BRD10: variants seen among roughly 807,000 people sequenced by gnomAD.
BRD10 encodes the protein uncharacterized bromodomain-containing protein 10.
At chr9:5,938,764 T>C in the BRD10 span, among the ~76,000 whole-genome samples, 32 of 152,222 alleles carry the variant, frequency 2.1e-4, no homozygotes, top group African/African-American at 6.5e-4. Flanking sequence ...ACAGCTGAGA[T>C]AGTTTTCAGT....
chr9:5,920,764 A>G, the BRD10 span: 1 of 1,613,998 alleles, frequency 6.2e-7, no homozygotes, highest in East Asian at 2.2e-5. Context: ...AGGCAACCGT[A>G]ACAGGAATTT....
At chr9:5,958,151 T>C in the BRD10 span, among the ~76,000 whole-genome samples, 1 of 152,180 alleles carries the variant, frequency 6.6e-6, no homozygotes, top group Non-Finnish European at 1.5e-5. Context: ...TAAACCTTAG[T>C]AATTAATGTT....
the BRD10 span, among the ~76,000 whole-genome samples, chr9:5,995,178 G>A: frequency 6.6e-5 from 10 of 152,206 alleles, no homozygotes; most frequent in Non-Finnish European, 5.9e-5. Flanking sequence ...TGGGATTAGA[G>A]GCGTGAGCCA....
the BRD10 span, among the ~76,000 whole-genome samples, chr9:5,880,889 G>A: frequency 2.6e-5 from 4 of 151,944 alleles, no homozygotes; most frequent in Non-Finnish European, 5.9e-5. Flanking sequence ...ATTTTTAGTA[G>A]ACATGGGGTT....
chr9:5,950,241 AT>A, the BRD10 span, among the ~76,000 whole-genome samples: 2 of 152,302 alleles, frequency 1.3e-5, no homozygotes, highest in African/African-American at 4.8e-5. Context: ...AGGGTCAATA[AT>A]AGATGTTTTT....
At chr9:5,979,334 T>C in the BRD10 span, among the ~76,000 whole-genome samples, 3 of 152,212 alleles carry the variant, frequency 2.0e-5, no homozygotes, top group South Asian at 6.2e-4. Flanking sequence ...GGAAATATAG[T>C]GAGACCTCGT....
chr9:5,998,074 G>T, the BRD10 span, among the ~76,000 whole-genome samples: 1 of 151,946 alleles, frequency 6.6e-6, no homozygotes. Context: ...TTTGGTGGAT[G>T]GTCAAATCTC....
the BRD10 span, among the ~76,000 whole-genome samples, chr9:5,998,830 A>C: frequency 3.3e-5 from 5 of 152,108 alleles, no homozygotes; most frequent in Non-Finnish European, 7.4e-5. Context: ...AGTAGTAGAA[A>C]TCACTAGCGT....
At chr9:6,007,087 G>C in the BRD10 span, 1 of 1,127,786 alleles carries the variant, frequency 8.9e-7, no homozygotes, top group Non-Finnish European at 1.3e-6. Flanking sequence ...CACCGACTCA[G>C]CACCTATCAG....
chr9:6,008,179 G>T, the BRD10 span: 27 of 974,678 alleles, frequency 2.8e-5, no homozygotes, highest in Non-Finnish European at 3.2e-5. Context: ...GGGCTGGGAG[G>T]GGGCGAGGAG....
the BRD10 span, among the ~76,000 whole-genome samples, chr9:5,930,369 T>TTTTATA: frequency 0.014 from 1,953 of 135,500 alleles, 45 homozygotes; most frequent in African/African-American, 0.022. Context: ...TATAAGGAGA[T>TTTTATA]TATATATATA....
the BRD10 span, among the ~76,000 whole-genome samples, chr9:5,946,658 C>CT: frequency 6.6e-6 from 1 of 152,090 alleles, no homozygotes; most frequent in Non-Finnish European, 1.5e-5. Flanking sequence ...TTTCACCGAA[C>CT]TTGGTGTACT....
chr9:5,918,108 C>A, the BRD10 span, among the ~76,000 whole-genome samples: 1 of 152,234 alleles, frequency 6.6e-6, no homozygotes, highest in Admixed American at 6.5e-5. Context: ...GACAGAAAAA[C>A]GGGGAGAGTG....
At chr9:5,943,545 TAA>T in the BRD10 span, among the ~76,000 whole-genome samples, 3 of 98,094 alleles carry the variant, frequency 3.1e-5, no homozygotes, top group Non-Finnish European at 2.4e-5. Context: ...GCATAAAACA[TAA>T]AAAAAAAAAA....
chr9:6,003,449 A>C, the BRD10 span, among the ~76,000 whole-genome samples: 1 of 152,244 alleles, frequency 6.6e-6, no homozygotes, highest in Middle Eastern at 3.4e-3. Context: ...CCCTGTTTCT[A>C]ATGTTAATTG....
chr9:5,924,709 T>G, the BRD10 span: 1 of 1,598,212 alleles, frequency 6.3e-7, no homozygotes, highest in Non-Finnish European at 8.5e-7. Flanking sequence ...GTTGAGTCTA[T>G]AGACTTACTG....
chr9:5,922,801 TA>T, the BRD10 span: 1 of 1,614,026 alleles, frequency 6.2e-7, no homozygotes, highest in Non-Finnish European at 8.5e-7. Flanking sequence ...GCATTTTGTA[TA>T]CCATTTGTAA....
the BRD10 span, chr9:5,921,545 G>A: frequency 1.2e-6 from 2 of 1,613,886 alleles, no homozygotes; most frequent in Admixed American, 1.7e-5. Flanking sequence ...TCCATTGCCA[G>A]AAGAAAGAAT....
chr9:5,921,119 G>T, the BRD10 span: 3 of 1,613,876 alleles, frequency 1.9e-6, no homozygotes, highest in South Asian at 1.1e-5. Flanking sequence ...TGAGCTTACT[G>T]GAACTGAATT....
Sources: gnomAD v4.1 joint callset for allele counts (sites outside exome capture counted in the v4.1 genomes callset) on GRCh38, gnomAD v4.1.1 for gene constraint, MANE v1.5 for transcripts, NCBI Gene and HGNC (gene_info 2026-07-23, HGNC 2026-07-21) for gene names.